TMEM232: variants seen among roughly 807,000 people sequenced by gnomAD.
TMEM232 encodes transmembrane protein 232.
A neutral mutation model predicts 78.8 loss-of-function variants in TMEM232; 80 were observed. The ratio of observed to expected loss-of-function variants is 1.01; its 90% confidence interval spans 0.85 to 1.22. The LOEUF is 1.22. Ranked by LOEUF, TMEM232 falls within the 50% of genes most tolerant of loss-of-function variation. TMEM232 has a pLI of 0.00. For synonymous variants in TMEM232, 297 were observed against 254.3 expected, an observed-to-expected ratio of 1.17 and a Z score of -1.60; for missense variants, 881 against 742.2, an observed-to-expected ratio of 1.19 and a Z score of -2.17.
chr5:110,558,943 C>A (rs901457862), intron 11 of TMEM232, among the ~76,000 whole-genome samples: 1 of 152,160 alleles, frequency 6.6e-6, no homozygotes, highest in Non-Finnish European at 1.5e-5. Context: ...CAACCCCATG[C>A]AGGGTTCCCA....
intron 1 of TMEM232, among the ~76,000 whole-genome samples, chr5:110,671,836 C>T (rs1309637475): frequency 6.6e-6 from 1 of 152,034 alleles, no homozygotes; most frequent in Non-Finnish European, 1.5e-5. Context: ...ATGGCATGTA[C>T]ATACCTATGT....
chr5:110,703,719 A>T (rs1301193518), intron 1 of TMEM232, among the ~76,000 whole-genome samples: 4 of 152,118 alleles, frequency 2.6e-5, no homozygotes, highest in African/African-American at 9.7e-5. Flanking sequence ...TCCAAATTAC[A>T]CAGTGATAGG....
intron 1 of TMEM232, among the ~76,000 whole-genome samples, chr5:110,736,539 A>T (rs1033360080): frequency 6.6e-6 from 1 of 151,928 alleles, no homozygotes; most frequent in African/African-American, 2.4e-5. Context: ...ATTGAACATG[A>T]ATATTTTCAT....
chr5:110,568,351 C>T (rs973756551), intron 11 of TMEM232, 96 bp downstream of exon 11: 8 of 1,113,066 alleles, frequency 7.2e-6, no homozygotes, highest in Non-Finnish European at 1.0e-5. Flanking sequence ...CATTAATACT[C>T]ACTGAATGTA....
chr5:110,602,385 T>A (rs1030599437), intron 10 of TMEM232, among the ~76,000 whole-genome samples: 2 of 152,064 alleles, frequency 1.3e-5, no homozygotes, highest in African/African-American at 4.8e-5. Flanking sequence ...GAAAATTTTT[T>A]CAATCTATCT....
intron 1 of TMEM232, among the ~76,000 whole-genome samples, chr5:110,672,442 C>A (rs1373878958): frequency 6.6e-6 from 1 of 152,010 alleles, no homozygotes; most frequent in Non-Finnish European, 1.5e-5. Flanking sequence ...GTTTGTAAAC[C>A]ATTATTTGAG....
chr5:110,484,982 C>G (rs568443579), intron 12 of TMEM232, among the ~76,000 whole-genome samples: 14 of 152,072 alleles, frequency 9.2e-5, no homozygotes, highest in African/African-American at 3.4e-4. Flanking sequence ...AATTGAAAAA[C>G]AGTAGATATT....
At chr5:110,634,297 A>C (rs942553387) in intron 5 of TMEM232, among the ~76,000 whole-genome samples, 21 of 152,184 alleles carry the variant, frequency 1.4e-4, no homozygotes, top group Non-Finnish European at 2.5e-4. Flanking sequence ...TTTAGATAGA[A>C]TATCAACAAA....
At chr5:110,701,959 G>A (rs540024641) in intron 1 of TMEM232, among the ~76,000 whole-genome samples, 1 of 152,004 alleles carries the variant, frequency 6.6e-6, no homozygotes, top group African/African-American at 2.4e-5. Flanking sequence ...TCTAAGGGGG[G>A]ACTACACATA....
chr5:110,604,632 T>G (rs965479810), intron 10 of TMEM232, among the ~76,000 whole-genome samples: 1 of 152,214 alleles, frequency 6.6e-6, no homozygotes, highest in African/African-American at 2.4e-5. Flanking sequence ...CAACTGAATC[T>G]AACTTTTATT....
intron 7 of TMEM232, among the ~76,000 whole-genome samples, chr5:110,621,945 A>G (rs1783804412): frequency 6.6e-6 from 1 of 152,198 alleles, no homozygotes; most frequent in Admixed American, 6.5e-5. Context: ...AAGTACATAA[A>G]TTATGAGTGT....
intron 12 of TMEM232, among the ~76,000 whole-genome samples, chr5:110,437,300 T>A (rs569250108): frequency 6.6e-6 from 1 of 152,098 alleles, no homozygotes; most frequent in East Asian, 1.9e-4. Context: ...CCTCCACATG[T>A]AATCTAAATC....
chr5:110,591,031 A>G (rs1013250563), intron 10 of TMEM232, among the ~76,000 whole-genome samples: 5 of 152,142 alleles, frequency 3.3e-5, no homozygotes, highest in Admixed American at 1.3e-4. Flanking sequence ...CAATCGGAGG[A>G]GATTTGGGTG....
chr5:110,423,689 T>C lies in TMEM232; in HGVS notation c.1797+1134A>G, dbSNP rs538364111. On this transcript the variant is annotated intron_variant, in intron 13 of 13. Transcript: ENST00000455884. ...GGAAAAAGGAAAAGATGATGGATGG[T>C]TGTTAGGAGCTATCTCTGTATCTCT... 7.2e-5 allele frequency among the ~76,000 whole-genome samples: 11 copies of C among 152,090 alleles called. No individual in the cohort carries two copies. The South Asian group carries it at 2.3e-3, about 32-fold the overall frequency.
At chr5:110,556,341 C>CTCCCTTCCTTTCCCTTCCCTTCCCT (rs1775079147) in intron 11 of TMEM232, among the ~76,000 whole-genome samples, 1 of 144,604 alleles carries the variant, frequency 6.9e-6, no homozygotes, top group Non-Finnish European at 1.5e-5. Context: ...CCTTTCCTTC[C>CTCCCTTCCTTTCCCTTCCCTTCCCT]TCCCTTCCCT....
At chr5:110,715,311 T>C (rs974123055) in intron 1 of TMEM232, among the ~76,000 whole-genome samples, 3 of 151,820 alleles carry the variant, frequency 2.0e-5, no homozygotes, top group Admixed American at 6.6e-5. Context: ...TGAAGAAATA[T>C]AAATTTTGTA....
chr5:110,422,300 G>C (rs555955713), intron 13 of TMEM232, among the ~76,000 whole-genome samples: 1 of 151,842 alleles, frequency 6.6e-6, no homozygotes, highest in Non-Finnish European at 1.5e-5. Context: ...CGGATCACGA[G>C]GTCAGGAGAT....
At chr5:110,594,618 C>T (rs536256107) in intron 10 of TMEM232, among the ~76,000 whole-genome samples, 6 of 152,092 alleles carry the variant, frequency 3.9e-5, no homozygotes, top group East Asian at 1.9e-4. Context: ...GAGCTTCATG[C>T]GGGAAGGGGC....
chr5:110,654,833 G>A (rs935544484), intron 2 of TMEM232, among the ~76,000 whole-genome samples: 1 of 152,060 alleles, frequency 6.6e-6, no homozygotes, highest in East Asian at 1.9e-4. Flanking sequence ...TTGAGCAGCG[G>A]TTTGTAGTTC....
Sources: allele counts gnomAD v4.1 joint callset (sites outside exome capture counted in the v4.1 genomes callset), GRCh38; gene constraint gnomAD v4.1.1; transcripts MANE v1.5; gene names NCBI Gene and HGNC (gene_info 2026-07-23, HGNC 2026-07-21).